The following TDRD5 variants were observed in gnomAD, a reference collection of about 807,000 sequenced individuals.
TDRD5 encodes tudor domain containing 5, also known as tudor domain-containing protein 5.
A neutral mutation model predicts 120.6 loss-of-function variants in TDRD5; 41 were observed. The ratio of observed to expected loss-of-function variants is 0.34; its 90% CI spans 0.26 to 0.44. The LOEUF is 0.44. Among genes scored for constraint, TDRD5 ranks in the 20% least tolerant of loss-of-function variants. The pLI, the probability that TDRD5 is intolerant of heterozygous loss-of-function variation, is 1.00. For synonymous variants in TDRD5, 430 were observed against 433.7 expected, an observed-to-expected ratio of 0.99 and a Z score of 0.11; for missense variants, 1,006 against 1,221.2, an observed-to-expected ratio of 0.82 and a Z score of 2.63.
intron 16 of TDRD5, 37 bp downstream of exon 16, chr1:179,663,528 A>G (rs1221571610): frequency 3.8e-6 from 6 of 1,566,880 alleles, no homozygotes; most frequent in African/African-American, 2.8e-5. Flanking sequence ...ACAGGTTTGC[A>G]TAAGGAAGTC....
chr1:179,630,391 CT>C (rs1677369280), intron 6 of TDRD5, among the ~76,000 whole-genome samples: 1 of 152,000 alleles, frequency 6.6e-6, no homozygotes, highest in Admixed American at 6.5e-5. Context: ...CGAATATTAT[CT>C]TTATTGGAAA....
chr1:179,614,621 C>T (rs572371023), intron 4 of TDRD5, among the ~76,000 whole-genome samples: 67 of 152,110 alleles, frequency 4.4e-4, no homozygotes, highest in African/African-American at 1.6e-3. Context: ...TGTGTGTGCT[C>T]CTTTCCTTGT....
rs1677740407 is a variant in TDRD5, at chr1:179,635,871, A to G, written c.1504A>G (p.Met502Val). Residue 502 changes from methionine (M) to valine (V), a missense_variant, in exon 9 of 18, where the codon ATG becomes GTG. By Grantham distance (21) the Met-to-Val change is conservative (BLOSUM62 1). Around this residue, in one of 3 missense-constraint regions of TDRD5, gnomAD observed 158 missense variants for 257.5 expected, o/e 0.61. Transcript: ENST00000444136. ...SRDSSELLED[M>V]MIEMRRCYSN... The stretch of plus-strand genomic sequence containing the variant: ...GGATTCGTCAGAGTTACTCGAAGAC[A>G]TGATGATTGAAATGCGGTAGGAGTC... 2 of 1,613,634 alleles carry G rather than the reference A, an allele frequency of 1.2e-6. No individual in the cohort carries two copies. The highest frequency in any genetic ancestry group is 1.7e-6 in the Non-Finnish European group (2 of 1,179,892).
chr1:179,634,788 C>T (rs2102011878), intron 8 of TDRD5, among the ~76,000 whole-genome samples, 159 bp downstream of exon 8: 1 of 152,276 alleles, frequency 6.6e-6, no homozygotes, highest in East Asian at 1.9e-4. Context: ...TGTCATATAG[C>T]ATTCTTTCTG....
intron 9 of TDRD5, among the ~76,000 whole-genome samples, chr1:179,637,501 C>T (rs1165538824): frequency 6.6e-6 from 1 of 152,150 alleles, no homozygotes. Flanking sequence ...AAACTTAGCA[C>T]TTTGGGAAGC....
chr1:179,652,047 T>G lies in TDRD5; in HGVS notation c.2010T>G (p.Ser670Arg), dbSNP rs1273759458. The G allele has an allele frequency of 6.2e-7, 1 of 1,612,008 alleles. No homozygotes were observed. The highest frequency in any genetic ancestry group is 8.5e-7 in the Non-Finnish European group (1 of 1,179,584). ...TCTTTTTTTAATCTTAGGGTTTCAG[T>G]GAGCTCAACCCTTTAGCTTTATACA... ...CRENISSKGF[S>R]ELNPLALYTT... The change falls in exon 13 of 18, where the codon AGT becomes AGG. Residue 670 changes from serine (S) to arginine (R), a missense_variant. Around this residue, in one of 3 missense-constraint regions of TDRD5, gnomAD observed 403 missense variants for 448.1 expected, o/e 0.90. Coordinates refer to ENST00000444136, the MANE Select transcript of TDRD5 (RefSeq NM_001199085.3).
At chr1:179,602,235 G>C (rs779218830) in intron 4 of TDRD5, among the ~76,000 whole-genome samples, 3 of 152,124 alleles carry the variant, frequency 2.0e-5, no homozygotes, top group African/African-American at 7.2e-5. Context: ...TTGATTTTTT[G>C]ATGATGGCCA....
At chr1:179,665,402 A>AT (rs1679508773) in intron 16 of TDRD5, among the ~76,000 whole-genome samples, 1 of 152,178 alleles carries the variant, frequency 6.6e-6, no homozygotes, top group African/African-American at 2.4e-5. Context: ...CCTTTGATCC[A>AT]TTTTGAGTTA....
Position 179,634,226 on chromosome 1 carries a change from CT to C in TDRD5, c.1127-230del, listed in dbSNP as rs1180181219. ...TATCAGATCACAAGCCTCCCTCCCC[CT>C]AGCACAAATAATTTAAGATTTGTTC... On this transcript the variant is annotated intron_variant, in intron 7 of 17. Coordinates refer to ENST00000444136, the MANE Select transcript of TDRD5 (RefSeq NM_001199085.3). 2.6e-5 allele frequency among the ~76,000 whole-genome samples: 4 copies of C among 152,152 alleles called. 1 individual carries two copies. In the Middle Eastern group the frequency reaches 0.01, roughly 388 times the overall value.
chr1:179,593,362 C>A, intron 2 of TDRD5, 98 bp from the exon 3 acceptor site: 1 of 1,316,138 alleles, frequency 7.6e-7, no homozygotes, highest in Non-Finnish European at 1.0e-6. Flanking sequence ...GGATAAACAG[C>A]TCCTTGGAGA....
chr1:179,651,313 A>G (rs953127857), intron 12 of TDRD5, among the ~76,000 whole-genome samples: 1 of 152,194 alleles, frequency 6.6e-6, no homozygotes, highest in Non-Finnish European at 1.5e-5. Context: ...AAAAGTAGTT[A>G]TCTGGCCAGG....
intron 17 of TDRD5, among the ~76,000 whole-genome samples, chr1:179,687,428 T>C (rs1680787404): frequency 6.6e-6 from 1 of 152,222 alleles, no homozygotes; most frequent in African/African-American, 2.4e-5. Context: ...TAATTTCTAT[T>C]CTTTTACCTT....
chr1:179,595,566 C>A (rs765095460), intron 3 of TDRD5, 62 bp from the exon 4 acceptor site: 25 of 1,433,816 alleles, frequency 1.7e-5, no homozygotes, highest in Non-Finnish European at 2.3e-5. Context: ...ATGTAGCCAC[C>A]GGAAAATGAA....
At chr1:179,659,858 G>A (rs565065547) in intron 14 of TDRD5, among the ~76,000 whole-genome samples, 119 of 151,370 alleles carry the variant, frequency 7.9e-4, no homozygotes, top group African/African-American at 2.6e-3. Context: ...CCCCATGCCC[G>A]GCTAATTTTG....
At chr1:179,603,727 C>G (rs1026746641) in intron 4 of TDRD5, among the ~76,000 whole-genome samples, 1 of 152,148 alleles carries the variant, frequency 6.6e-6, no homozygotes, top group Non-Finnish European at 1.5e-5. Flanking sequence ...GTATGAAACT[C>G]ACTTGATCAT....
intron 7 of TDRD5, among the ~76,000 whole-genome samples, chr1:179,633,764 A>G (rs1265023858): frequency 1.3e-5 from 2 of 152,238 alleles, no homozygotes; most frequent in Admixed American, 1.3e-4. Flanking sequence ...ATTATGGAAT[A>G]TTAAGTAGTT....
intron 17 of TDRD5, among the ~76,000 whole-genome samples, chr1:179,679,348 G>T (rs1680309312): frequency 6.6e-6 from 1 of 151,992 alleles, no homozygotes; most frequent in African/African-American, 2.4e-5. Context: ...GTCTTTGTCT[G>T]GTTTTGGTAT....
intron 17 of TDRD5, among the ~76,000 whole-genome samples, chr1:179,671,606 C>A (rs886687425): frequency 2.2e-5 from 3 of 133,488 alleles, no homozygotes; most frequent in African/African-American, 8.1e-5. Flanking sequence ...AAATTTACTT[C>A]AATAGGTTTT....
In TDRD5 at chr1:179,654,209, TA is replaced by T; in HGVS notation, c.2171del (p.Asn724MetfsTer6). 2.0e-6 allele frequency: 3 copies of T among 1,533,100 alleles called. No individual in the cohort carries two copies. The South Asian group carries it at 3.7e-5, about 19-fold the overall frequency. 95.0% of individuals were successfully genotyped at this position (1,533,100 alleles called of 1,614,324 possible). On this transcript the variant is annotated frameshift_variant, in exon 14 of 18. Coordinates refer to ENST00000444136, the MANE Select transcript of TDRD5 (RefSeq NM_001199085.3). LOFTEE classifies it high-confidence loss of function. The part of the protein sequence containing the change: ...ESELRILQDI[N>X]DEKSLSHLKS... ...TCTTTCATATCTACTAGCAAGATAT[TA>T]ATGATGAAAAGTCTTTAAGTCATCT...
Sources: gnomAD v4.1 joint callset for allele counts (sites outside exome capture counted in the v4.1 genomes callset) on GRCh38, gnomAD v4.1.1 for gene constraint, gnomAD v4.1.1 regional missense constraint, MANE v1.5 for transcripts, NCBI Gene and HGNC (gene_info 2026-07-23, HGNC 2026-07-21) for gene names.